NPHS1: variants seen among roughly 807,000 people sequenced by gnomAD.
NPHS1 encodes nephrin.
Under a neutral mutation model 139.7 loss-of-function variants are expected in NPHS1, and 107 were observed. The ratio of observed to expected loss-of-function variants is 0.77; its 90% CI spans 0.66 to 0.90. NPHS1 has a LOEUF of 0.90. NPHS1 is among the 40% of genes least tolerant of loss of function. The pLI is 0.00. For synonymous variants in NPHS1, 707 were observed against 706.6 expected, an observed-to-expected ratio of 1.00 and a Z score of -0.01; for missense variants, 1,580 against 1,654.2, an observed-to-expected ratio of 0.96 and a Z score of 0.78.
intron 23 of NPHS1, among the ~76,000 whole-genome samples, chr19:35,834,014 T>C (rs529121544): frequency 6.6e-6 from 1 of 152,074 alleles, no homozygotes; most frequent in African/African-American, 2.4e-5. Context: ...GCCATTCTTT[T>C]TCGTGTTGAC....
In NPHS1 at chr19:35,852,385, C is replaced by T. The variant is rs1220282427; in HGVS notation, c.-548G>A. 6.6e-6 allele frequency among the ~76,000 whole-genome samples: 1 copy of T among 152,084 alleles called. No individual in the cohort carries two copies. The highest frequency in any genetic ancestry group is 2.4e-5 in the African/African-American group (1 of 41,406). ...CTGCTCCTTGTCTCACTACTCACAGCCTTTCAAGAAGGACCTGCAGCCCAG... is the reference window on the plus strand; with the variant it reads ...CTGCTCCTTGTCTCACTACTCACAGTCTTTCAAGAAGGACCTGCAGCCCAG... On this transcript the variant is annotated 5_prime_UTR_variant, in exon 1 of 29. Transcript: ENST00000378910.
In NPHS1 at chr19:35,848,346, G is replaced by A. The variant is rs767248132; in HGVS notation, c.1222C>T (p.Arg408Trp). The change falls in exon 10 of 29, where the codon CGG (arginine) becomes TGG (tryptophan). Residue 408 changes from arginine (R) to tryptophan (W), a missense_variant. By Grantham distance (101) the Arg-to-Trp change is moderately radical (BLOSUM62 -3). Coordinates refer to ENST00000378910, the MANE Select transcript of NPHS1 (RefSeq NM_004646.4). ...SMSNLTFLAR[R>W]EDNGLTLTCE... is the part of the protein sequence containing the mutation. ...GTGAGGGTCAGACCGTTGTCCTCCC[G>A]CCGCGCCAGGAATGTCAGGTTGGAC... The A allele has an allele frequency of 6.8e-6, 11 of 1,614,042 alleles. No individual in the cohort carries two copies. The highest frequency in any genetic ancestry group is 4.0e-5 in the African/African-American group (3 of 75,008).
intron 11 of NPHS1, 65 bp from the exon 12 acceptor site, chr19:35,846,259 C>T: frequency 6.6e-7 from 1 of 1,508,902 alleles, no homozygotes; most frequent in Admixed American, 2.0e-5. Flanking sequence ...CCCAACCCCC[C>T]TACCCTGCCC....
intron 23 of NPHS1, among the ~76,000 whole-genome samples, chr19:35,833,032 A>G (rs1279874854): frequency 6.8e-6 from 1 of 146,252 alleles, no homozygotes; most frequent in Non-Finnish European, 1.5e-5. Context: ...TTACAGGCGC[A>G]TGCCACCACA....
intron 23 of NPHS1, among the ~76,000 whole-genome samples, chr19:35,834,221 C>A (rs561768229): frequency 9.9e-5 from 15 of 152,238 alleles, no homozygotes; most frequent in African/African-American, 3.6e-4. Flanking sequence ...TAAATTGCTG[C>A]TTTTGACCCC....
chr19:35,833,392 T>TCCA (rs1233129811), intron 23 of NPHS1, among the ~76,000 whole-genome samples: 1 of 152,164 alleles, frequency 6.6e-6, no homozygotes, highest in Non-Finnish European at 1.5e-5. Context: ...CAGGCAGGAC[T>TCCA]CCACAGTGGG....
At position 35,843,754 on chromosome 19, in the gene NPHS1, T is replaced by C. The variant is rs558038228; in HGVS notation, c.2213-161A>G. ...AGGGTTGGAGGAGAGTTCTCAAGGT[T>C]GGTGAGGTTGTCTCCACCCTCCACT... On this transcript the variant is annotated intron_variant, in intron 16 of 28. Transcript: ENST00000378910. 1.8e-5 allele frequency: 16 copies of C among 878,114 alleles called. No individual in the cohort carries two copies. The African/African-American group carries it at 2.5e-4, about 14-fold the overall frequency. The allele number at this position is 878,114 out of a possible 1,614,324, so 54.4% of individuals were successfully genotyped here.
Position 35,826,641 on chromosome 19 carries a change from G to C in NPHS1, c.3599C>G (p.Pro1200Arg), listed in dbSNP as rs780296540. The change falls in exon 29 of 29, where the codon CCC becomes CGC. Residue 1200 changes from proline (P) to arginine (R), a missense_variant. Transcript: ENST00000378910. The stretch of plus-strand genomic sequence containing the variant: ...GTCTTCAGGCCAGTGGAGGTCCCAG[G>C]GTCCCTGACAGGCAAAAAGTGGAGT... Reference protein sequence around the residue: ...GPLYDEVQMGPWDLHWPEDTY... With the variant: ...GPLYDEVQMGRWDLHWPEDTY... 1.9e-6 allele frequency: 3 copies of C among 1,613,928 alleles called. No homozygotes were observed. The African/African-American group carries it at 4.0e-5, about 22-fold the overall frequency.
At chr19:35,831,831 A>G in intron 23 of NPHS1, 69 bp from the exon 24 acceptor site, 1 of 1,505,776 alleles carries the variant, frequency 6.6e-7, no homozygotes, top group Non-Finnish European at 9.0e-7. Context: ...GGTCTCCCCG[A>G]GAAAGTGTAG....
Position 35,835,199 on chromosome 19 carries a change from C to CAA in NPHS1, c.3166+504_3166+505dup, listed in dbSNP as rs71167570. 4.1e-3 allele frequency among the ~76,000 whole-genome samples: 289 copies of CAA among 71,188 alleles called. 6 individuals are homozygous for CAA. The highest frequency in any genetic ancestry group is 0.014 in the African/African-American group (270 of 18,768). 46.7% of individuals were successfully genotyped at this position (71,188 alleles called of 152,430 possible). A position where few individuals can be genotyped will look rare whatever the true frequency, so the allele number is the denominator to read the frequency against. ...TGGGCAACAGAATGAGACTCTGTCT[C>CAA]AAAAAAAAAAAAAAAAAAAAGAAAG... On this transcript the variant is annotated intron_variant, in intron 23 of 28. Coordinates refer to ENST00000378910, the MANE Select transcript of NPHS1 (RefSeq NM_004646.4).
rs143278868 is a variant in NPHS1 at position 35,845,261 on chromosome 19, A to AAG, written c.1930+105_1930+106dup. Reference sequence around the variant, plus strand: ...TTGCAGCCTGAGCGACAAAAAATGAAAGAGAGAGAGAGAGAGAAGAGAAAA... The same window carrying AAG: ...TTGCAGCCTGAGCGACAAAAAATGAAAGAGAGAGAGAGAGAGAGAAGAGAAAA... On this transcript the variant is annotated intron_variant, in intron 14 of 28. Coordinates refer to ENST00000378910, the MANE Select transcript of NPHS1 (RefSeq NM_004646.4). The surrounding 1 kb of genome is among the most constrained non-coding windows in gnomAD (Gnocchi z 5.5). 5,134 of 1,249,222 alleles carry AAG rather than the reference A, an allele frequency of 4.1e-3. 90 individuals are homozygous for AAG. In the East Asian group the frequency reaches 0.088, roughly 21 times the overall value. 77.4% of individuals were successfully genotyped at this position (1,249,222 alleles called of 1,614,324 possible). A position where few individuals can be genotyped will look rare whatever the true frequency, so the allele number is the denominator to read the frequency against.
rs1255138723 is a variant in NPHS1 at position 35,851,896 on chromosome 19, G to A, written c.-59C>T. On this transcript the variant is annotated 5_prime_UTR_variant, in exon 1 of 29. Transcript: ENST00000378910. ...CGCTGCCAGCCACCTGCGTCTGTCT[G>A]GCTTTCTCTGGGTCCCTCTCTGTGT... 6.9e-7 allele frequency: 1 copy of A among 1,455,100 alleles called. No homozygotes were observed. The highest frequency in any genetic ancestry group is 9.4e-7 in the Non-Finnish European group (1 of 1,060,716). The allele number at this position is 1,455,100 out of a possible 1,614,324, so 90.1% of individuals were successfully genotyped here. A position where few individuals can be genotyped will look rare whatever the true frequency, so the allele number is the denominator to read the frequency against.
At position 35,843,751 on chromosome 19, in the gene NPHS1, G is replaced by A. The variant is rs1453231342; in HGVS notation, c.2213-158C>T. ...CAAAGGGTTGGAGGAGAGTTCTCAA[G>A]GTTGGTGAGGTTGTCTCCACCCTCC... On this transcript the variant is annotated intron_variant, in intron 16 of 28. Transcript: ENST00000378910. 3.4e-6 allele frequency: 3 copies of A among 869,848 alleles called. No individual in the cohort carries two copies. In the East Asian group the frequency reaches 7.9e-5, roughly 23 times the overall value. 53.9% of individuals were successfully genotyped at this position (869,848 alleles called of 1,614,324 possible).
chr19:35,847,194 T>C (rs2146825298), intron 11 of NPHS1, among the ~76,000 whole-genome samples: 1 of 150,324 alleles, frequency 6.7e-6, no homozygotes, highest in African/African-American at 2.4e-5. Flanking sequence ...TACAGGCACC[T>C]GCCACCACGC....
In NPHS1 at chr19:35,850,401, A is replaced by C. The variant is rs1345229311; in HGVS notation, c.571T>G (p.Ser191Ala). The C allele has an allele frequency of 1.2e-6, 2 of 1,613,886 alleles. No individual in the cohort carries two copies. The highest frequency in any genetic ancestry group is 1.7e-6 in the Non-Finnish European group (2 of 1,179,980). The change falls in exon 5 of 29, where the codon TCC (serine) becomes GCC (alanine). Residue 191 changes from serine (S) to alanine (A), a missense_variant. Coordinates refer to ENST00000378910, the MANE Select transcript of NPHS1 (RefSeq NM_004646.4). ...SDISANVNEG[S>A]QQKLFTVEAT... is the part of the protein sequence containing the mutation. ...TCCACAGTGAAGAGTTTCTGCTGGG[A>C]GCCCTCGTTCACGTTTGCAGAGATG...
intron 1 of NPHS1, 41 bp downstream of exon 1, chr19:35,851,739 G>A: frequency 1.3e-6 from 2 of 1,559,644 alleles, no homozygotes; most frequent in Admixed American, 1.9e-5. Flanking sequence ...TGGGAAATGG[G>A]GGCCACTTGG....
Position 35,826,538 on chromosome 19 carries a change from G to A in NPHS1, c.3702C>T (p.Phe1234=), listed in dbSNP as rs141375888. The change falls in exon 29 of 29, where the codon TTC becomes TTT. Residue 1234 remains phenylalanine, a synonymous_variant. Coordinates refer to ENST00000378910, the MANE Select transcript of NPHS1 (RefSeq NM_004646.4). ...LDTLEPDSLP[F]ELRGHLV ...CTTACACCAGATGTCCCCTCAGCTC[G>A]AAGGGCAGAGAATCGGGTTCCAGAG... is the stretch of plus-strand genomic sequence containing the variant. 1.8e-4 allele frequency: 283 copies of A among 1,613,848 alleles called. No individual in the cohort carries two copies. In the Admixed American group the frequency reaches 2.6e-3, roughly 15 times the overall value.
intron 4 of NPHS1, among the ~76,000 whole-genome samples, 174 bp downstream of exon 4, chr19:35,850,787 G>A (rs1024538175): frequency 2.6e-5 from 4 of 152,096 alleles, no homozygotes; most frequent in South Asian, 2.1e-4. Context: ...ATGTGCCCTC[G>A]CATCCACTGG....
chr19:35,843,954 C>A, intron 16 of NPHS1, 149 bp downstream of exon 16: 2 of 1,100,804 alleles, frequency 1.8e-6, no homozygotes, highest in Non-Finnish European at 2.6e-6. Context: ...CCGCAGTGGG[C>A]GTGGTTACAC....
Sources: allele counts gnomAD v4.1 joint callset (sites outside exome capture counted in the v4.1 genomes callset), GRCh38; gene constraint gnomAD v4.1.1; non-coding constraint Gnocchi (gnomAD v3.1); transcripts MANE v1.5; gene names NCBI Gene and HGNC (gene_info 2026-07-23, HGNC 2026-07-21).